Variants in DLG1 observed in about 807,000 individuals in gnomAD.
DLG1 encodes discs large MAGUK scaffold protein 1.
Under a neutral mutation model 123.4 loss-of-function variants are expected in DLG1, and 42 were observed. That is an observed-to-expected ratio of 0.34 (90% confidence interval 0.27 to 0.44). DLG1 has a LOEUF of 0.44. Ranked by LOEUF, DLG1 falls within the 20% of genes least tolerant of loss-of-function variation. The probability of loss-of-function intolerance (pLI) is 1.00; values close to 1 mark genes in which losing one functional copy is unlikely to be tolerated. For missense variants in DLG1, 942 were observed against 1,082.6 expected, an observed-to-expected ratio of 0.87 and a Z score of 1.82; for synonymous variants, 317 against 356.2, an observed-to-expected ratio of 0.89 and a Z score of 1.24.
intron 4 of DLG1, among the ~76,000 whole-genome samples, chr3:197,254,160 GGA>G (rs1755773807): frequency 6.6e-6 from 1 of 152,212 alleles, no homozygotes; most frequent in Non-Finnish European, 1.5e-5. Flanking sequence ...ATCCTAAAAT[GGA>G]GAGTTATTTG....
chr3:197,241,528 C>T (rs919436609), intron 4 of DLG1, among the ~76,000 whole-genome samples: 2 of 152,120 alleles, frequency 1.3e-5, no homozygotes, highest in Admixed American at 1.3e-4. Context: ...AAATACTTTA[C>T]TATTGTAATT....
At chr3:197,092,055 CAACAA>C (rs1484367293) in intron 14 of DLG1, among the ~76,000 whole-genome samples, 3 of 152,122 alleles carry the variant, frequency 2.0e-5, no homozygotes, top group African/African-American at 4.8e-5. Flanking sequence ...TTCAAAATTA[CAACAA>C]AACACTTAAA....
intron 3 of DLG1, among the ~76,000 whole-genome samples, chr3:197,294,657 CAAAAAAAAAAA>C (rs71926647): frequency 8.8e-5 from 7 of 79,124 alleles, no homozygotes; most frequent in Non-Finnish European, 1.2e-4. Context: ...GACTCTGCCT[CAAAAAAAAAAA>C]AAAAAAAAAA....
intron 4 of DLG1, among the ~76,000 whole-genome samples, chr3:197,248,582 A>T (rs1318513556): frequency 6.6e-6 from 1 of 152,244 alleles, no homozygotes; most frequent in Non-Finnish European, 1.5e-5. Flanking sequence ...TCACAAGAGC[A>T]CACTGAACAA....
chr3:197,087,469 C>T (rs886149093), intron 15 of DLG1, among the ~76,000 whole-genome samples: 2 of 151,778 alleles, frequency 1.3e-5, no homozygotes, highest in Non-Finnish European at 2.9e-5. Flanking sequence ...TCCCTTGAGC[C>T]CAGGAGTCCA....
At chr3:197,060,080 C>CA in intron 22 of DLG1, 82 bp from the exon 23 acceptor site, 7 of 902,968 alleles carry the variant, frequency 7.8e-6, no homozygotes, top group Non-Finnish European at 1.2e-5. Flanking sequence ...TACAGGTCCA[C>CA]AGTCTAAATC....
chr3:197,178,911 T>G (rs913046977), intron 5 of DLG1, among the ~76,000 whole-genome samples: 1 of 152,258 alleles, frequency 6.6e-6, no homozygotes, highest in African/African-American at 2.4e-5. Flanking sequence ...ATAGGACTTA[T>G]AGAGGCAAGT....
At chr3:197,129,457 T>C (rs1242463156) in intron 11 of DLG1, among the ~76,000 whole-genome samples, 2 of 152,216 alleles carry the variant, frequency 1.3e-5, no homozygotes, top group East Asian at 3.8e-4. Flanking sequence ...AATCTTATGG[T>C]TGGTTTGATC....
rs1049980684 is a variant in DLG1 at position 197,270,974 on chromosome 3, T to C, written c.318+11705A>G. On this transcript the variant is annotated intron_variant, in intron 4 of 24. Transcript: ENST00000667157. ...GTGATAGTCTATAAAACAACTGGCA[T>C]GGTCTCTTCAAAAAGGTAATGTCAT... Among the ~76,000 whole-genome samples, 6 of 152,120 alleles carry C rather than the reference T, an allele frequency of 3.9e-5. No homozygotes were observed. In the East Asian group the frequency reaches 1.2e-3, roughly 29 times the overall value.
chr3:197,280,574 A>G lies in DLG1; in HGVS notation c.318+2105T>C, dbSNP rs138607754. Among the ~76,000 whole-genome samples, 43 of 152,330 alleles carry G rather than the reference A, an allele frequency of 2.8e-4. 1 individual carries two copies. In the East Asian group the frequency reaches 7.1e-3, roughly 25 times the overall value. ...TTGAGAAACCTGCATACTGTTTTCC[A>G]TAATGGCTGTAATAATTTACATTTC... On this transcript the variant is annotated intron_variant, in intron 4 of 24. Transcript: ENST00000667157.
intron 5 of DLG1, among the ~76,000 whole-genome samples, chr3:197,157,287 T>TCTA (rs1796801249): frequency 6.6e-6 from 1 of 152,228 alleles, no homozygotes; most frequent in African/African-American, 2.4e-5. Context: ...CCCTAAAGAT[T>TCTA]CTACACAAAA....
At chr3:197,259,470 C>G (rs1333453381) in intron 4 of DLG1, among the ~76,000 whole-genome samples, 1 of 152,136 alleles carries the variant, frequency 6.6e-6, no homozygotes, top group East Asian at 1.9e-4. Context: ...ACAAATTTAC[C>G]TACTCTTTTA....
At chr3:197,194,906 G>C (rs1721590714) in intron 4 of DLG1, among the ~76,000 whole-genome samples, 1 of 152,068 alleles carries the variant, frequency 6.6e-6, no homozygotes, top group African/African-American at 2.4e-5. Flanking sequence ...CAATGGAAAA[G>C]CCAAAGTTAG....
At chr3:197,118,596 C>T (rs3773846) in intron 12 of DLG1, among the ~76,000 whole-genome samples, 20,677 of 152,084 alleles carry the variant, frequency 0.14, 1,777 homozygotes, top group South Asian at 0.35. Flanking sequence ...TTACTTAGTA[C>T]ACATTTTAAT....
At chr3:197,195,977 G>C (rs534830139) in intron 4 of DLG1, among the ~76,000 whole-genome samples, 1 of 151,982 alleles carries the variant, frequency 6.6e-6, no homozygotes, top group Admixed American at 6.6e-5. Context: ...CAGAGAAATG[G>C]GCATCCATCA....
At chr3:197,235,623 C>T (rs990442454) in intron 4 of DLG1, among the ~76,000 whole-genome samples, 2 of 152,192 alleles carry the variant, frequency 1.3e-5, no homozygotes, top group African/African-American at 4.8e-5. Context: ...TTTAAAAAGT[C>T]TTGAACTGAT....
intron 5 of DLG1, among the ~76,000 whole-genome samples, chr3:197,163,481 G>A (rs1799678653): frequency 6.6e-6 from 1 of 151,528 alleles, no homozygotes; most frequent in Admixed American, 6.6e-5. Context: ...ATCAGGAGAT[G>A]AACGGATACA....
intron 14 of DLG1, among the ~76,000 whole-genome samples, chr3:197,092,082 A>C (rs1216103137): frequency 6.6e-6 from 1 of 152,190 alleles, no homozygotes; most frequent in Non-Finnish European, 1.5e-5. Context: ...TAAAAACATA[A>C]ATAGCCTTAA....
At chr3:197,090,827 CTAAG>C (rs531811798) in intron 15 of DLG1, 81 bp downstream of exon 15, 650 of 771,836 alleles carry the variant, frequency 8.4e-4, no homozygotes, top group Non-Finnish European at 1.3e-3. Flanking sequence ...TACGGTAAAA[CTAAG>C]TAAGTTATAG....
Sources: allele counts gnomAD v4.1 joint callset (sites outside exome capture counted in the v4.1 genomes callset), GRCh38; gene constraint gnomAD v4.1.1; transcripts MANE v1.5; gene names NCBI Gene and HGNC (gene_info 2026-07-23, HGNC 2026-07-21).